Variants in AHCYL2 observed in about 807,000 individuals in gnomAD.
The protein encoded by AHCYL2 is adenosylhomocysteinase like 2, also known as S-adenosylhomocysteine hydrolase-like protein 2.
A neutral mutation model predicts 81.4 loss-of-function variants in AHCYL2; 28 were observed. That is an observed-to-expected ratio of 0.34 (90% CI 0.25 to 0.47). The LOEUF is 0.47. Among genes scored for constraint, AHCYL2 ranks in the 20% least tolerant of loss-of-function variants. The pLI is 1.00. For missense variants in AHCYL2, 551 were observed against 785.1 expected, an observed-to-expected ratio of 0.70 and a Z score of 3.56; for synonymous variants, 272 against 290.2, an observed-to-expected ratio of 0.94 and a Z score of 0.64.
intron 1 of AHCYL2, among the ~76,000 whole-genome samples, chr7:129,235,325 A>G (rs1488226422): frequency 1.3e-5 from 2 of 151,738 alleles, no homozygotes; most frequent in African/African-American, 4.8e-5. Context: ...GATCACTGTA[A>G]ACTTGAACTC....
chr7:129,312,427 G>A (rs955084588), intron 1 of AHCYL2, among the ~76,000 whole-genome samples: 1 of 151,840 alleles, frequency 6.6e-6, no homozygotes, highest in African/African-American at 2.4e-5. Flanking sequence ...TTGTCTTTTA[G>A]AGATGGAGTT....
Position 129,429,527 on chromosome 7 carries a change from C to CTTTCT in AHCYL2, c.*2492_*2496dup, listed in dbSNP as rs1190747883. On this transcript the variant is annotated 3_prime_UTR_variant, in exon 17 of 17. Transcript: ENST00000325006. Reference sequence around the variant, plus strand: ...TCTGTGCTAATATTTTGCCTTCTTTCTTTCTTTTCTTTTCACCCTTAGAGA... The same window carrying CTTTCT: ...TCTGTGCTAATATTTTGCCTTCTTTCTTTCTTTTCTTTTCTTTTCACCCTTAGAGA... 6.6e-6 allele frequency: 1 copy of CTTTCT among 152,074 alleles called. No homozygotes were observed. 9.4% of individuals were successfully genotyped at this position (152,074 alleles called of 1,614,324 possible).
intron 5 of AHCYL2, 50 bp from the exon 6 acceptor site, chr7:129,400,240 T>A (rs377182906): frequency 1.0e-5 from 16 of 1,531,426 alleles, no homozygotes; most frequent in Non-Finnish European, 1.3e-5. Context: ...AATTAGGGGG[T>A]CAGCCTTTTT....
At chr7:129,373,101 A>AT (rs1049137910) in intron 1 of AHCYL2, among the ~76,000 whole-genome samples, 4 of 150,884 alleles carry the variant, frequency 2.7e-5, no homozygotes, top group South Asian at 2.1e-4. Context: ...GCTGAAAAAA[A>AT]TTTTTTTTTT....
In AHCYL2 at chr7:129,290,386, A is replaced by T. The variant is rs556899702; in HGVS notation, c.363+64947A>T. Among the ~76,000 whole-genome samples the T allele has an allele frequency of 2.2e-4, 33 of 151,928 alleles. No homozygotes were observed. In the South Asian group the frequency reaches 6.7e-3, roughly 31 times the overall value. ...AGTGGTGGTGGGTGCCTTTAGTCCC[A>T]GCTACTCGGGAGGCTGAGGCAGGAG... On this transcript the variant is annotated intron_variant, in intron 1 of 16. Coordinates refer to ENST00000325006, the MANE Select transcript of AHCYL2 (RefSeq NM_015328.4).
chr7:129,345,992 C>T (rs887253553), intron 1 of AHCYL2, among the ~76,000 whole-genome samples: 2 of 152,034 alleles, frequency 1.3e-5, no homozygotes, highest in South Asian at 2.1e-4. Flanking sequence ...TCTGAGAGAT[C>T]TGGGCTGTCT....
chr7:129,225,062 G>A lies in AHCYL2; in HGVS notation c.-15G>A, dbSNP rs779668075. 1.3e-6 allele frequency: 2 copies of A among 1,579,928 alleles called. No individual in the cohort carries two copies. Among genetic ancestry groups the A allele is most frequent in the Non-Finnish European group, 1.7e-6 (2 of 1,164,708 alleles). ...GGAGCTGGAGTCTGAGCCGGTGGTT[G>A]CAGCGGAGGCGGTGATGTCGGTGCA... On this transcript the variant is annotated 5_prime_UTR_variant, in exon 1 of 17. Coordinates refer to ENST00000325006, the MANE Select transcript of AHCYL2 (RefSeq NM_015328.4).
intron 1 of AHCYL2, among the ~76,000 whole-genome samples, chr7:129,302,397 T>C (rs2150764550): frequency 6.6e-6 from 1 of 152,348 alleles, no homozygotes; most frequent in African/African-American, 2.4e-5. Context: ...TCCAGTACTA[T>C]ATTGGATCAT....
chr7:129,340,963 T>C (rs1793158219), intron 1 of AHCYL2, among the ~76,000 whole-genome samples: 3 of 152,238 alleles, frequency 2.0e-5, no homozygotes, highest in Admixed American at 6.5e-5. Context: ...GAAATCAGTA[T>C]ATAATTTTCC....
intron 1 of AHCYL2, among the ~76,000 whole-genome samples, chr7:129,254,942 A>G (rs1252339346): frequency 1.3e-5 from 2 of 152,228 alleles, no homozygotes. Flanking sequence ...TGAATTAATT[A>G]GAAAGTAAAG....
intron 1 of AHCYL2, among the ~76,000 whole-genome samples, chr7:129,315,028 A>G (rs913116441): frequency 2.6e-5 from 4 of 152,142 alleles, no homozygotes; most frequent in African/African-American, 9.7e-5. Flanking sequence ...TATGGAAAGC[A>G]CATCATACAG....
At chr7:129,311,159 G>A (rs2718096) in intron 1 of AHCYL2, among the ~76,000 whole-genome samples, 52,984 of 151,656 alleles carry the variant, frequency 0.35, 9,924 homozygotes, top group African/African-American at 0.5. Context: ...GCCTATGGAA[G>A]AGAGTTTGGA....
At chr7:129,285,690 C>G (rs1398643760) in intron 1 of AHCYL2, among the ~76,000 whole-genome samples, 1 of 132,260 alleles carries the variant, frequency 7.6e-6, no homozygotes, top group South Asian at 2.5e-4. Context: ...TTCTTTCTCT[C>G]TCTCTCTTTT....
intron 1 of AHCYL2, among the ~76,000 whole-genome samples, chr7:129,242,324 C>T (rs192415205): frequency 1.9e-3 from 290 of 151,384 alleles, no homozygotes; most frequent in Admixed American, 4.1e-3. Flanking sequence ...GCCACCAAGC[C>T]TGGCCTTTTT....
At chr7:129,421,306 CT>C (rs535470786) in intron 12 of AHCYL2, among the ~76,000 whole-genome samples, 18 of 151,138 alleles carry the variant, frequency 1.2e-4, no homozygotes, top group Non-Finnish European at 2.2e-4. Flanking sequence ...ATATGTCTGT[CT>C]TTTTTTTGGA....
At chr7:129,340,026 C>T (rs1258109508) in intron 1 of AHCYL2, among the ~76,000 whole-genome samples, 2 of 143,104 alleles carry the variant, frequency 1.4e-5, no homozygotes, top group African/African-American at 5.1e-5. Context: ...TCACGCCATT[C>T]TTCTGCCTCA....
intron 14 of AHCYL2, 22 bp downstream of exon 14, chr7:129,424,964 A>G (rs1344647486): frequency 2.5e-6 from 4 of 1,614,018 alleles, no homozygotes; most frequent in Non-Finnish European, 2.5e-6. Context: ...AGAGTGGGAT[A>G]GCAGTAGTCT....
chr7:129,299,737 C>T (rs931423549), intron 1 of AHCYL2, among the ~76,000 whole-genome samples: 8 of 152,114 alleles, frequency 5.3e-5, no homozygotes, highest in African/African-American at 1.9e-4. Flanking sequence ...GAAAACTTGT[C>T]AGAGGGGTGT....
chr7:129,418,637 G>A (rs988262989), intron 12 of AHCYL2, among the ~76,000 whole-genome samples: 1 of 152,144 alleles, frequency 6.6e-6, no homozygotes, highest in Admixed American at 6.5e-5. Flanking sequence ...GGCCAGGTGT[G>A]GTGGCTCATG....
Sources: gnomAD v4.1 joint callset for allele counts (sites outside exome capture counted in the v4.1 genomes callset) on GRCh38, gnomAD v4.1.1 for gene constraint, MANE v1.5 for transcripts, NCBI Gene and HGNC (gene_info 2026-07-23, HGNC 2026-07-21) for gene names.